INPP4B: variants seen among roughly 807,000 people sequenced by gnomAD.
INPP4B encodes the protein inositol polyphosphate-4-phosphatase type II B.
A neutral mutation model predicts 122.5 loss-of-function variants in INPP4B; 55 were observed. The observed-to-expected ratio is 0.45, with a 90% CI of 0.36 to 0.56. The LOEUF is 0.56. Ranked by LOEUF, INPP4B falls within the 20% of genes least tolerant of loss-of-function variation. The pLI, the probability that INPP4B is intolerant of heterozygous loss-of-function variation, is 0.00. For missense variants in INPP4B, 1,000 were observed against 1,097.7 expected (o/e 0.91, Z 1.26); for synonymous variants, 403 against 388.7 (o/e 1.04, Z -0.43).
chr4:142,811,687 A>C (rs1194168342), intron 1 of INPP4B, among the ~76,000 whole-genome samples: 1 of 152,208 alleles, frequency 6.6e-6, no homozygotes, highest in African/African-American at 2.4e-5. Flanking sequence ...ATTAGAAAAT[A>C]AAATAATTAT....
intron 3 of INPP4B, among the ~76,000 whole-genome samples, chr4:142,446,887 G>T (rs1023060998): frequency 1.3e-5 from 2 of 152,100 alleles, no homozygotes; most frequent in African/African-American, 4.8e-5. Flanking sequence ...TATTGCTTAA[G>T]GCTACATACA....
At chr4:142,174,153 T>G (rs1189347683) in intron 15 of INPP4B, among the ~76,000 whole-genome samples, 2 of 152,096 alleles carry the variant, frequency 1.3e-5, no homozygotes, top group East Asian at 3.9e-4. Context: ...TTACTATTAA[T>G]TCCTAATGAA....
At chr4:142,271,856 G>T (rs73850834) in intron 9 of INPP4B, among the ~76,000 whole-genome samples, 6,859 of 152,218 alleles carry the variant, frequency 0.045, 301 homozygotes, top group East Asian at 0.2. Flanking sequence ...CAATAATAAT[G>T]AAAGCTAAAG....
chr4:142,379,204 G>T (rs1438236747), intron 7 of INPP4B, among the ~76,000 whole-genome samples: 1 of 152,026 alleles, frequency 6.6e-6, no homozygotes, highest in Non-Finnish European at 1.5e-5. Flanking sequence ...CTTTCCAAAA[G>T]CTGCTGTCTC....
At position 142,833,000 on chromosome 4, in the gene INPP4B, G is replaced by A. The variant is rs1561121021; in HGVS notation, c.-254+13209C>T. ...TACATGATAATACGCACAAAGGATT[G>A]TTTGGGGAATATGTAATCCATTTGG... On this transcript the variant is annotated intron_variant, in intron 1 of 25. Coordinates refer to ENST00000262992, the MANE Select transcript of INPP4B (RefSeq NM_001101669.3). 2.0e-5 allele frequency among the ~76,000 whole-genome samples: 3 copies of A among 152,002 alleles called. No individual in the cohort carries two copies. The South Asian group carries it at 6.2e-4, about 32-fold the overall frequency.
intron 18 of INPP4B, among the ~76,000 whole-genome samples, chr4:142,126,272 C>A (rs1384052812): frequency 6.6e-6 from 1 of 152,072 alleles, no homozygotes; most frequent in Admixed American, 6.6e-5. Flanking sequence ...ATGATCTCCT[C>A]ATCATAAAAG....
At chr4:142,394,143 TTTTG>T (rs376220887) in intron 7 of INPP4B, among the ~76,000 whole-genome samples, 3,042 of 152,276 alleles carry the variant, frequency 0.02, 36 homozygotes, top group Non-Finnish European at 0.033. Flanking sequence ...GTGTGGTTTT[TTTTG>T]TTTGTTTGTT....
intron 2 of INPP4B, among the ~76,000 whole-genome samples, chr4:142,537,761 G>A (rs1319299621): frequency 1.6e-5 from 2 of 125,940 alleles, no homozygotes; most frequent in Non-Finnish European, 1.7e-5. Context: ...GTGTGTGTGT[G>A]TGTGTGTGTG....
Position 142,666,015 on chromosome 4 carries a change from T to C in INPP4B, c.-191+59824A>G, listed in dbSNP as rs890286391. On this transcript the variant is annotated intron_variant, in intron 2 of 25. Transcript: ENST00000262992. ...CAACAAGATACTGTAATAAAAGTTATGTCAATCTGGCCTATTTCTCTCTAA... is the reference window on the plus strand; with the variant it reads ...CAACAAGATACTGTAATAAAAGTTACGTCAATCTGGCCTATTTCTCTCTAA... Among the ~76,000 whole-genome samples, 60 of 152,218 alleles carry C rather than the reference T, an allele frequency of 3.9e-4. 1 individual carries two copies. The highest frequency in any genetic ancestry group is 1.3e-4 in the Non-Finnish European group (9 of 68,028).
intron 3 of INPP4B, among the ~76,000 whole-genome samples, chr4:142,438,164 C>T (rs1473499185): frequency 6.6e-6 from 1 of 152,132 alleles, no homozygotes; most frequent in Non-Finnish European, 1.5e-5. Flanking sequence ...TCCCATCAAA[C>T]TACCATTGAC....
chr4:142,804,772 T>A (rs1198385292), intron 1 of INPP4B, among the ~76,000 whole-genome samples: 2 of 152,168 alleles, frequency 1.3e-5, no homozygotes, highest in East Asian at 3.9e-4. Context: ...GCTCAGGTGA[T>A]CCTTCCACCT....
At chr4:142,704,318 C>T (rs1348833477) in intron 2 of INPP4B, among the ~76,000 whole-genome samples, 1 of 152,104 alleles carries the variant, frequency 6.6e-6, no homozygotes, top group Non-Finnish European at 1.5e-5. Context: ...AGAACTTCTG[C>T]CACAAGAATT....
At chr4:142,810,941 A>G (rs1280667217) in intron 1 of INPP4B, among the ~76,000 whole-genome samples, 4 of 152,348 alleles carry the variant, frequency 2.6e-5, no homozygotes, top group East Asian at 1.9e-4. Context: ...GTTTTTAACA[A>G]ATTATACATG....
At chr4:142,821,317 T>C (rs924710716) in intron 1 of INPP4B, among the ~76,000 whole-genome samples, 1 of 152,110 alleles carries the variant, frequency 6.6e-6, no homozygotes, top group Non-Finnish European at 1.5e-5. Context: ...AGATTTATAT[T>C]TTAGTTAGTT....
intron 12 of INPP4B, 106 bp downstream of exon 12, chr4:142,237,758 C>T (rs1857303092): frequency 5.1e-6 from 3 of 589,256 alleles, no homozygotes; most frequent in Admixed American, 3.4e-5. Flanking sequence ...TTTCACAATG[C>T]ATACATATTT....
chr4:142,726,468 G>A (rs1580783691), intron 1 of INPP4B, among the ~76,000 whole-genome samples: 1 of 152,110 alleles, frequency 6.6e-6, no homozygotes, highest in Non-Finnish European at 1.5e-5. Context: ...CTGCAACAAG[G>A]AGGAAAGTAC....
At position 142,385,372 on chromosome 4, in the gene INPP4B, TA is replaced by T. The variant is rs199869287; in HGVS notation, c.372+17565del. ...TCTAATGATCAGTGATACTGAACCT[TA>T]AAAAAAAAAAACCACTCTTGAATGT... On this transcript the variant is annotated intron_variant, in intron 7 of 25. Coordinates refer to ENST00000262992, the MANE Select transcript of INPP4B (RefSeq NM_001101669.3). Among the ~76,000 whole-genome samples the T allele has an allele frequency of 5.4e-3, 790 of 145,186 alleles. 18 individuals carry two copies. Among genetic ancestry groups the T allele is most frequent in the Admixed American group, 0.046 (662 of 14,548 alleles).
intron 2 of INPP4B, among the ~76,000 whole-genome samples, chr4:142,549,014 A>G (rs1313926618): frequency 6.6e-6 from 1 of 152,066 alleles, no homozygotes; most frequent in African/African-American, 2.4e-5. Context: ...ATGAAATGGG[A>G]CCTGAGAGCT....
chr4:142,502,163 A>C (rs950416767), intron 2 of INPP4B, among the ~76,000 whole-genome samples: 1 of 152,172 alleles, frequency 6.6e-6, no homozygotes, highest in African/African-American at 2.4e-5. Context: ...TCAAGATCCC[A>C]CCAAACAGAT....
Sources: gnomAD v4.1 joint callset for allele counts (sites outside exome capture counted in the v4.1 genomes callset) on GRCh38, gnomAD v4.1.1 for gene constraint, MANE v1.5 for transcripts, NCBI Gene and HGNC (gene_info 2026-07-23, HGNC 2026-07-21) for gene names.